Variants in CNKSR3 observed in about 807,000 individuals in gnomAD.
CNKSR3 encodes connector enhancer of kinase suppressor of ras 3.
A neutral mutation model predicts 67.7 loss-of-function variants in CNKSR3; 36 were observed. The ratio of observed to expected loss-of-function variants is 0.53; its 90% CI spans 0.41 to 0.70. The LOEUF is 0.70. CNKSR3 is among the 30% of genes least tolerant of loss of function. The pLI, the probability that CNKSR3 is intolerant of heterozygous loss-of-function variation, is 0.00. For missense variants in CNKSR3, 630 were observed against 695.2 expected, an observed-to-expected ratio of 0.91 and a Z score of 1.05; for synonymous variants, 281 against 271.4, an observed-to-expected ratio of 1.04 and a Z score of -0.35.
At chr6:154,480,854 AATTTATTTGATAGCAGTCTTATGCTT>A (rs1350080102) in intron 1 of CNKSR3, among the ~76,000 whole-genome samples, 3 of 152,214 alleles carry the variant, frequency 2.0e-5, no homozygotes, top group Non-Finnish European at 4.4e-5. Flanking sequence ...ATCTTTAAGA[AATTTATTTGATAGCAGTCTTATGCTT>A]ATTTATTTGA....
At chr6:154,420,277 T>C (rs897757991) in intron 9 of CNKSR3, among the ~76,000 whole-genome samples, 2 of 151,416 alleles carry the variant, frequency 1.3e-5, no homozygotes, top group East Asian at 1.9e-4. Context: ...GAATGGTGGC[T>C]GCCAGAGGTT....
intron 1 of CNKSR3, among the ~76,000 whole-genome samples, chr6:154,461,756 G>A (rs530885712): frequency 6.6e-5 from 10 of 152,348 alleles, no homozygotes; most frequent in Admixed American, 5.2e-4. Flanking sequence ...CTGGGGCTCA[G>A]CTTATAAGTA....
At chr6:154,423,105 A>G in intron 7 of CNKSR3, 122 bp from the exon 8 acceptor site, 1 of 644,276 alleles carries the variant, frequency 1.6e-6, no homozygotes, top group Non-Finnish European at 2.7e-6. Context: ...GGAAAAATAA[A>G]ACAATGCACT....
rs1784732176 is a variant in CNKSR3, at chr6:154,402,784, T to G, written c.*3570A>C. ...ATCGACCCCTTTCCTGGTATTGAAC[T>G]GCCAATGCAGCAGGTCTGAATTGGT... On this transcript the variant is annotated 3_prime_UTR_variant, in exon 13 of 13. Transcript: ENST00000607772. The G allele has an allele frequency of 6.6e-6, 1 of 152,236 alleles. No homozygotes were observed. Among genetic ancestry groups the G allele is most frequent in the Non-Finnish European group, 1.5e-5 (1 of 68,044 alleles). The allele number at this position is 152,236 out of a possible 1,614,324, so 9.4% of individuals were successfully genotyped here. A position where few individuals can be genotyped will look rare whatever the true frequency, so the allele number is the denominator to read the frequency against.
chr6:154,428,346 G>A (rs1785296580), intron 6 of CNKSR3, among the ~76,000 whole-genome samples, 159 bp from the exon 7 acceptor site: 1 of 152,206 alleles, frequency 6.6e-6, no homozygotes, highest in Non-Finnish European at 1.5e-5. Context: ...AAAGGGTGGT[G>A]AAGGGGAGCT....
At chr6:154,500,067 G>T (rs567032679) in intron 1 of CNKSR3, among the ~76,000 whole-genome samples, 58 of 150,814 alleles carry the variant, frequency 3.8e-4, no homozygotes, top group Non-Finnish European at 7.4e-4. Context: ...CTGTTAAGAT[G>T]GTGCTGACAA....
chr6:154,414,166 A>G (rs1244007672), intron 10 of CNKSR3, 133 bp downstream of exon 10: 3 of 882,416 alleles, frequency 3.4e-6, no homozygotes, highest in African/African-American at 3.4e-5. Flanking sequence ...CATACTTTTA[A>G]CGGCAGTTCA....
chr6:154,448,457 A>G lies in CNKSR3; in HGVS notation c.216+1638T>C, dbSNP rs906778139. ...TACAAAAAAAAAAAAAAAAGAAAAT[A>G]CAGTTTCGGTAATAAACAGGATGCT... On this transcript the variant is annotated intron_variant, in intron 2 of 12. Coordinates refer to ENST00000607772, the MANE Select transcript of CNKSR3 (RefSeq NM_173515.4). 3.3e-5 allele frequency among the ~76,000 whole-genome samples: 5 copies of G among 150,492 alleles called. No individual in the cohort carries two copies. In the East Asian group the frequency reaches 9.7e-4, roughly 29 times the overall value.
At chr6:154,436,414 G>T (rs1354883364) in intron 4 of CNKSR3, among the ~76,000 whole-genome samples, 2 of 152,092 alleles carry the variant, frequency 1.3e-5, no homozygotes, top group African/African-American at 4.8e-5. Context: ...TCCCAACTTG[G>T]CCTCCCAAAG....
intron 2 of CNKSR3, among the ~76,000 whole-genome samples, chr6:154,444,397 C>A (rs1785663897): frequency 6.6e-6 from 1 of 152,196 alleles, no homozygotes; most frequent in African/African-American, 2.4e-5. Flanking sequence ...CCAAGGCAAT[C>A]TGCATCTAGG....
intron 7 of CNKSR3, among the ~76,000 whole-genome samples, chr6:154,424,028 C>A (rs1436080353): frequency 6.6e-6 from 1 of 152,020 alleles, no homozygotes; most frequent in Non-Finnish European, 1.5e-5. Flanking sequence ...GTCAGGAGAT[C>A]GAGACCATCC....
intron 1 of CNKSR3, 51 bp from the exon 2 acceptor site, chr6:154,450,309 A>AC (rs778130856): frequency 2.2e-5 from 34 of 1,561,324 alleles, no homozygotes; most frequent in Non-Finnish European, 2.5e-5. Context: ...TCCTTTACCC[A>AC]CCCCCTGCAA....
At chr6:154,457,506 G>A (rs1001502189) in intron 1 of CNKSR3, among the ~76,000 whole-genome samples, 1 of 152,162 alleles carries the variant, frequency 6.6e-6, no homozygotes, top group Non-Finnish European at 1.5e-5. Context: ...GATCACCTGA[G>A]GTCAGGAGTT....
chr6:154,408,313 G>A (rs185808578), intron 12 of CNKSR3, among the ~76,000 whole-genome samples: 6 of 152,204 alleles, frequency 3.9e-5, no homozygotes, highest in South Asian at 2.1e-4. Flanking sequence ...GTGAGCCACC[G>A]CACCTGGCCA....
At chr6:154,462,195 C>A (rs567898508) in intron 1 of CNKSR3, among the ~76,000 whole-genome samples, 1 of 151,890 alleles carries the variant, frequency 6.6e-6, no homozygotes, top group South Asian at 2.1e-4. Context: ...ATTTTTAACA[C>A]CCCCTCACCA....
At chr6:154,448,022 C>A (rs963383686) in intron 2 of CNKSR3, among the ~76,000 whole-genome samples, 8 of 151,796 alleles carry the variant, frequency 5.3e-5, no homozygotes, top group African/African-American at 1.9e-4. Flanking sequence ...CCTAAGTGAC[C>A]CCCCCTGTCC....
intron 1 of CNKSR3, among the ~76,000 whole-genome samples, chr6:154,508,069 T>A (rs1263397160): frequency 6.6e-6 from 1 of 152,174 alleles, no homozygotes; most frequent in Non-Finnish European, 1.5e-5. Flanking sequence ...TCAACTAAGC[T>A]GGCAGAGGCT....
intron 1 of CNKSR3, among the ~76,000 whole-genome samples, chr6:154,506,364 A>C (rs1486573311): frequency 6.6e-6 from 1 of 152,224 alleles, no homozygotes; most frequent in Non-Finnish European, 1.5e-5. Context: ...AAGAAACAAA[A>C]GAAGGAAAAA....
At chr6:154,448,434 CAA>C (rs56872694) in intron 2 of CNKSR3, among the ~76,000 whole-genome samples, 4,288 of 121,714 alleles carry the variant, frequency 0.035, 126 homozygotes, top group African/African-American at 0.093. Context: ...CACGTTTGTA[CAA>C]AAAAAAAAAA....
Sources: allele counts gnomAD v4.1 joint callset (sites outside exome capture counted in the v4.1 genomes callset), GRCh38; gene constraint gnomAD v4.1.1; transcripts MANE v1.5; gene names NCBI Gene and HGNC (gene_info 2026-07-23, HGNC 2026-07-21).